CBFA2T3: variants seen among roughly 807,000 people sequenced by gnomAD.
CBFA2T3 encodes the protein CBFA2/RUNX1 partner transcriptional co-repressor 3, also known as transcriptional corepressor CBFA2T3.
A neutral mutation model predicts 58.6 loss-of-function variants in CBFA2T3; 31 were observed. The ratio of observed to expected loss-of-function variants is 0.53; its 90% CI spans 0.40 to 0.71. The LOEUF (loss-of-function observed/expected upper bound fraction) is 0.71. Among genes scored for constraint, CBFA2T3 ranks in the 30% least tolerant of loss-of-function variants. The pLI, the probability that CBFA2T3 is intolerant of heterozygous loss-of-function variation, is 0.00. For synonymous variants in CBFA2T3, 531 were observed against 421.9 expected (o/e 1.26, Z -3.17); for missense variants, 1,076 against 963.1 (o/e 1.12, Z -1.55).
In CBFA2T3 at chr16:88,975,185, T is replaced by TGCTCCTGACCTCC. The variant is rs1482557315; in HGVS notation, c.151+1471_151+1472insGGAGGTCAGGAGC. ...CCTGACCCTCTCTGCTCCACATCTT[T>TGCTCCTGACCTCC]AGCCATGTCAGAGGTCCACCCTGAC... On this transcript the variant is annotated intron_variant, in intron 1 of 11. Transcript: ENST00000268679. 1.5e-3 allele frequency among the ~76,000 whole-genome samples: 101 copies of TGCTCCTGACCTCC among 68,670 alleles called. 2 individuals carry two copies. Among genetic ancestry groups the TGCTCCTGACCTCC allele is most frequent in the Admixed American group, 1.8e-3 (10 of 5,710 alleles). 45.1% of individuals were successfully genotyped at this position (68,670 alleles called of 152,430 possible).
chr16:88,922,152 G>A (rs1308543998), intron 1 of CBFA2T3, among the ~76,000 whole-genome samples: 1 of 152,240 alleles, frequency 6.6e-6, no homozygotes. Context: ...TTGGGTGGGG[G>A]TACTTCCGGT....
In CBFA2T3 at chr16:88,894,426, C is replaced by G. The variant is rs576746554; in HGVS notation, c.380-1941G>C. On this transcript the variant is annotated intron_variant, in intron 3 of 11. Coordinates refer to ENST00000268679, the MANE Select transcript of CBFA2T3 (RefSeq NM_005187.6). ...ATGCACACACACATGCATACATATACACATGCACACAATGTACACACATGC... is the reference window on the plus strand; with the variant it reads ...ATGCACACACACATGCATACATATAGACATGCACACAATGTACACACATGC... Among the ~76,000 whole-genome samples, 48 of 110,716 alleles carry G rather than the reference C, an allele frequency of 4.3e-4. 6 individuals are homozygous for G. Among genetic ancestry groups the G allele is most frequent in the African/African-American group, 1.8e-3 (40 of 22,618 alleles). The allele number at this position is 110,716 out of a possible 152,430, so 72.6% of individuals were successfully genotyped here.
At chr16:88,924,494 A>C (rs1294040380) in intron 1 of CBFA2T3, among the ~76,000 whole-genome samples, 2 of 152,104 alleles carry the variant, frequency 1.3e-5, no homozygotes, top group Non-Finnish European at 2.9e-5. Flanking sequence ...ATGGGCAGAC[A>C]CAGGCCAGGG....
chr16:88,975,185 T>TCTGCTCCTCACCTGC (rs1482557315), intron 1 of CBFA2T3, among the ~76,000 whole-genome samples: 5 of 68,694 alleles, frequency 7.3e-5, no homozygotes, highest in Admixed American at 1.8e-4. Flanking sequence ...TCCACATCTT[T>TCTGCTCCTCACCTGC]AGCCATGTCA....
rs145863650 is a variant in CBFA2T3, at chr16:88,963,001, C to T, written c.151+13656G>A. ...TCTGTGGTTTGCAGAGGGGAGATAA[C>T]GGAGGTTGGGTCCAAAGCCACATCC... On this transcript the variant is annotated intron_variant, in intron 1 of 11. Coordinates refer to ENST00000268679, the MANE Select transcript of CBFA2T3 (RefSeq NM_005187.6). Among the ~76,000 whole-genome samples, 31 of 152,306 alleles carry T rather than the reference C, an allele frequency of 2.0e-4. No individual in the cohort carries two copies. The East Asian group carries it at 3.1e-3, about 15-fold the overall frequency.
intron 3 of CBFA2T3, among the ~76,000 whole-genome samples, chr16:88,893,195 G>C (rs936132608): frequency 2.7e-5 from 4 of 148,788 alleles, no homozygotes; most frequent in African/African-American, 7.5e-5. Context: ...CCCACAACAG[G>C]TGCCTCCCAG....
At chr16:88,919,844 A>G (rs985389115) in intron 1 of CBFA2T3, among the ~76,000 whole-genome samples, 7 of 152,216 alleles carry the variant, frequency 4.6e-5, no homozygotes, top group African/African-American at 1.7e-4. Context: ...ACCCCGCCCC[A>G]CACTGCAACT....
chr16:88,881,997 C>G (rs1033290137), intron 8 of CBFA2T3, among the ~76,000 whole-genome samples: 6 of 152,228 alleles, frequency 3.9e-5, no homozygotes, highest in Non-Finnish European at 7.3e-5. Flanking sequence ...ACACTTCTTG[C>G]AAGACTCAGG....
intron 1 of CBFA2T3, among the ~76,000 whole-genome samples, chr16:88,960,165 C>T (rs1316700091): frequency 6.6e-6 from 1 of 152,118 alleles, no homozygotes; most frequent in East Asian, 1.9e-4. Context: ...GTTTGTCTGC[C>T]CTCCCAGGAC....
Position 88,950,321 on chromosome 16 carries a change from C to T in CBFA2T3, c.151+26336G>A, listed in dbSNP as rs1245297492. ...GGTCAGAGTGTTGGCACCTGTCTTC[C>T]GGGTCAGTTCACCCGTCCCCTGGAC... On this transcript the variant is annotated intron_variant, in intron 1 of 11. Transcript: ENST00000268679. The T allele has an allele frequency of 1.5e-5, 6 of 407,280 alleles. No individual in the cohort carries two copies. In the East Asian group the frequency reaches 2.4e-4, roughly 16 times the overall value. 25.2% of individuals were successfully genotyped at this position (407,280 alleles called of 1,614,324 possible).
rs116128471 is a variant in CBFA2T3, at chr16:88,958,877, C to A, written c.151+17780G>T. Among the ~76,000 whole-genome samples the A allele has an allele frequency of 3.6e-3, 555 of 152,290 alleles. 9 individuals are homozygous for A. Among genetic ancestry groups the A allele is most frequent in the African/African-American group, 0.013 (538 of 41,552 alleles). ...CCTAGGGGTATGGTCAGAGTGGGAC[C>A]CTGTACCGCCTCTGCCGCCCTTTTC... On this transcript the variant is annotated intron_variant, in intron 1 of 11. Transcript: ENST00000268679. This position sits in a 1 kb window ranked among gnomAD's most constrained non-coding sequence, Gnocchi z 4.0.
intron 1 of CBFA2T3, among the ~76,000 whole-genome samples, chr16:88,933,721 C>T (rs953469733): frequency 3.5e-5 from 5 of 143,322 alleles, no homozygotes; most frequent in African/African-American, 5.2e-5. Context: ...CACGTCTGCA[C>T]GCCTCTGCAC....
At chr16:88,972,481 T>G (rs755106066) in intron 1 of CBFA2T3, among the ~76,000 whole-genome samples, 19 of 152,130 alleles carry the variant, frequency 1.2e-4, no homozygotes, top group Admixed American at 2.6e-4. Flanking sequence ...TGTCTGACCT[T>G]CGTAAATCCT....
chr16:88,969,086 G>C (rs560928753), intron 1 of CBFA2T3, among the ~76,000 whole-genome samples: 78 of 152,350 alleles, frequency 5.1e-4, no homozygotes, highest in Non-Finnish European at 9.6e-4. Flanking sequence ...CTCGTGAGCA[G>C]TCGGCTGGGT....
intron 1 of CBFA2T3, among the ~76,000 whole-genome samples, chr16:88,964,249 G>A (rs1447174047): frequency 1.3e-5 from 2 of 152,208 alleles, no homozygotes; most frequent in African/African-American, 4.8e-5. Context: ...TGATGACAGG[G>A]CTTCGACCCA....
Position 88,875,686 on chromosome 16 carries a change from G to A in CBFA2T3, c.*1290C>T, listed in dbSNP as rs1413932667. ...AGAGGTAGAGGAGGACGGGCTGGCC[G>A]AGAAGCAGTGTTTCAGGGAGGCCTG... On this transcript the variant is annotated 3_prime_UTR_variant, in exon 12 of 12. Coordinates refer to ENST00000268679, the MANE Select transcript of CBFA2T3 (RefSeq NM_005187.6). 1.3e-5 allele frequency: 3 copies of A among 233,490 alleles called. No homozygotes were observed. Among genetic ancestry groups the A allele is most frequent in the South Asian group, 1.8e-4 (1 of 5,546 alleles). 14.5% of individuals were successfully genotyped at this position (233,490 alleles called of 1,614,324 possible). A position where few individuals can be genotyped will look rare whatever the true frequency, so the allele number is the denominator to read the frequency against.
At chr16:88,900,878 G>A (rs1377874710) in intron 2 of CBFA2T3, among the ~76,000 whole-genome samples, 2 of 152,364 alleles carry the variant, frequency 1.3e-5, no homozygotes, top group Non-Finnish European at 2.9e-5. Context: ...CGCCAAGCAC[G>A]GCCAACCCCT....
rs1451948583 is a variant in CBFA2T3, at chr16:88,882,707, T to G, written c.1172A>C (p.Glu391Ala). Residue 391 changes from glutamate (E) to alanine (A), a missense_variant, in exon 8 of 12, where the codon GAG (glutamate) becomes GCG (alanine). Transcript: ENST00000268679. The part of the protein sequence containing the change: ...EVIDHKLTER[E>A]WAEEWKHLNN... Reference sequence around the variant, plus strand: ...GAGGTGCTTCCACTCTTCTGCCCACTCACGCTCTGTGAGCTTGTGGTCGAT... The same window carrying G: ...GAGGTGCTTCCACTCTTCTGCCCACGCACGCTCTGTGAGCTTGTGGTCGAT... 6.3e-7 allele frequency: 1 copy of G among 1,590,698 alleles called. No individual in the cohort carries two copies. Among genetic ancestry groups the G allele is most frequent in the Non-Finnish European group, 8.6e-7 (1 of 1,168,852 alleles).
chr16:88,943,424 G>T (rs1259310713), intron 1 of CBFA2T3, among the ~76,000 whole-genome samples: 1 of 152,246 alleles, frequency 6.6e-6, no homozygotes, highest in Non-Finnish European at 1.5e-5. Flanking sequence ...AGACCTGAAG[G>T]CACTGAAGAT....
Sources: allele counts gnomAD v4.1 joint callset (sites outside exome capture counted in the v4.1 genomes callset), GRCh38; gene constraint gnomAD v4.1.1; non-coding constraint Gnocchi (gnomAD v3.1); transcripts MANE v1.5; gene names NCBI Gene and HGNC (gene_info 2026-07-23, HGNC 2026-07-21).